Variants in ACTG2 observed in about 807,000 individuals in gnomAD.
ACTG2 encodes actin gamma 2, smooth muscle.
In ACTG2, 16 loss-of-function variants were observed where a neutral mutation model predicts 37.6. The ratio of observed to expected loss-of-function variants is 0.43; its 90% CI spans 0.29 to 0.65. The LOEUF (loss-of-function observed/expected upper bound fraction) is 0.65. Among genes scored for constraint, ACTG2 ranks in the 30% least tolerant of loss-of-function variants. ACTG2 has a pLI of 0.18. For synonymous variants in ACTG2, 181 were observed against 179.9 expected (o/e 1.01, Z -0.05); for missense variants, 238 against 490.9 (o/e 0.48, Z 4.87).
intron 3 of ACTG2, among the ~76,000 whole-genome samples, chr2:73,903,509 G>A (rs1679935257): frequency 6.6e-6 from 1 of 152,162 alleles, no homozygotes; most frequent in African/African-American, 2.4e-5. Context: ...GTAAAGTGAA[G>A]ATAAAAAACA....
At chr2:73,914,977 C>A in intron 7 of ACTG2, 106 bp downstream of exon 7, 3 of 957,872 alleles carry the variant, frequency 3.1e-6, no homozygotes, top group Non-Finnish European at 4.2e-6. Flanking sequence ...TTGTTAATTA[C>A]ATACACGTAC....
At chr2:73,908,420 G>A (rs887689395) in intron 3 of ACTG2, 1 of 575,240 alleles carries the variant, frequency 1.7e-6, no homozygotes, top group Non-Finnish European at 3.3e-6. Flanking sequence ...GAGTGAAGAG[G>A]AGGGAAGGTC....
intron 1 of ACTG2, chr2:73,897,005 C>T (rs1420420307): frequency 6.6e-6 from 1 of 152,234 alleles, no homozygotes; most frequent in Admixed American, 6.5e-5. Context: ...CAGGGTGAAC[C>T]CCTTCTTCCC....
intron 2 of ACTG2, among the ~76,000 whole-genome samples, chr2:73,901,963 C>A (rs939036242): frequency 6.6e-6 from 1 of 150,662 alleles, no homozygotes; most frequent in African/African-American, 2.4e-5. Flanking sequence ...GAGAGAATAG[C>A]AAAGATTTGG....
At chr2:73,904,111 T>G (rs1679953148) in intron 3 of ACTG2, among the ~76,000 whole-genome samples, 1 of 151,056 alleles carries the variant, frequency 6.6e-6, no homozygotes, top group Non-Finnish European at 1.5e-5. Context: ...TCACTGGGCA[T>G]GGTAACACAT....
chr2:73,919,650 C>T lies in ACTG2; in HGVS notation c.*75C>T. Reference sequence around the variant, plus strand: ...TCATGAAACATTAAAACCTACAAGCCTTACTTCTCTGTGTGGGGCTCTTTT... The same window carrying T: ...TCATGAAACATTAAAACCTACAAGCTTTACTTCTCTGTGTGGGGCTCTTTT... On this transcript the variant is annotated 3_prime_UTR_variant, in exon 9 of 9. Transcript: ENST00000345517. 1.3e-6 allele frequency: 2 copies of T among 1,523,522 alleles called. No homozygotes were observed. The highest frequency in any genetic ancestry group is 1.8e-6 in the Non-Finnish European group (2 of 1,124,296). 94.4% of individuals were successfully genotyped at this position (1,523,522 alleles called of 1,614,324 possible).
At chr2:73,910,294 A>G (rs1294400043) in intron 5 of ACTG2, among the ~76,000 whole-genome samples, 2 of 151,546 alleles carry the variant, frequency 1.3e-5, no homozygotes, top group African/African-American at 4.8e-5. Flanking sequence ...TTTACCTTAT[A>G]AACTTTTTAA....
intron 1 of ACTG2, among the ~76,000 whole-genome samples, chr2:73,894,935 G>A (rs1679710072): frequency 6.6e-6 from 1 of 152,194 alleles, no homozygotes; most frequent in African/African-American, 2.4e-5. Context: ...CTGTTGAAGG[G>A]GCTGCTTTGG....
At chr2:73,906,815 C>A (rs2104813127) in intron 3 of ACTG2, among the ~76,000 whole-genome samples, 1 of 152,312 alleles carries the variant, frequency 6.6e-6, no homozygotes, top group African/African-American at 2.4e-5. Flanking sequence ...TTATCAACAT[C>A]TTTAACTTTT....
chr2:73,898,802 C>CTTTTTTTTTT (rs1165118275), intron 1 of ACTG2, among the ~76,000 whole-genome samples: 14 of 93,014 alleles, frequency 1.5e-4, no homozygotes, highest in Non-Finnish European at 2.7e-4. Context: ...TTTTTTTTTT[C>CTTTTTTTTTT]TTTTTTTTTT....
At chr2:73,893,921 G>T (rs1182329075) in intron 1 of ACTG2, among the ~76,000 whole-genome samples, 1 of 152,222 alleles carries the variant, frequency 6.6e-6, no homozygotes, top group Non-Finnish European at 1.5e-5. Flanking sequence ...GAGGCAGGCT[G>T]GGTGTGGCAG....
At chr2:73,911,365 C>T (rs1166915205) in intron 5 of ACTG2, among the ~76,000 whole-genome samples, 9 of 151,964 alleles carry the variant, frequency 5.9e-5, no homozygotes, top group Non-Finnish European at 1.2e-4. Context: ...GCATTGGTAG[C>T]TCACGCCTGT....
At chr2:73,904,777 GTATA>G (rs199782884) in intron 3 of ACTG2, among the ~76,000 whole-genome samples, 1,163 of 41,966 alleles carry the variant, frequency 0.028, 20 homozygotes, top group African/African-American at 0.086. Context: ...GTGTGTGTGT[GTATA>G]TATATATATA....
chr2:73,919,224 C>T (rs577591832), intron 8 of ACTG2, among the ~76,000 whole-genome samples: 34 of 152,308 alleles, frequency 2.2e-4, no homozygotes, highest in African/African-American at 8.2e-4. Flanking sequence ...AATGCCCAGC[C>T]TTACAGGGAG....
At position 73,916,236 on chromosome 2, in the gene ACTG2, C is replaced by T. The variant is rs571731173; in HGVS notation, c.806-348C>T. 3.9e-4 allele frequency among the ~76,000 whole-genome samples: 59 copies of T among 152,030 alleles called. No individual in the cohort carries two copies. The South Asian group carries it at 6.9e-3, about 18-fold the overall frequency. On this transcript the variant is annotated intron_variant, in intron 7 of 8. Transcript: ENST00000345517. The stretch of plus-strand genomic sequence containing the variant: ...ACTAAAAATACAAAATTTAGCTGGG[C>T]GTGGTGGCATGTGCTTGTAATCCCA...
chr2:73,897,684 G>A (rs1045053578), intron 1 of ACTG2, among the ~76,000 whole-genome samples: 1 of 152,112 alleles, frequency 6.6e-6, no homozygotes, highest in Non-Finnish European at 1.5e-5. Flanking sequence ...TGTGAGACTG[G>A]GTTATTTATA....
intron 5 of ACTG2, among the ~76,000 whole-genome samples, chr2:73,910,943 C>G (rs1008916356): frequency 7.9e-6 from 1 of 126,898 alleles, no homozygotes; most frequent in African/African-American, 2.7e-5. Context: ...ACTTTTAGAG[C>G]TTTTTTGATA....
intron 8 of ACTG2, among the ~76,000 whole-genome samples, chr2:73,917,900 T>C (rs1203358855): frequency 6.6e-6 from 1 of 152,180 alleles, no homozygotes; most frequent in Non-Finnish European, 1.5e-5. Flanking sequence ...TGTGTCAGTA[T>C]ACCACGCCTA....
At chr2:73,903,813 G>A (rs1679942791) in intron 3 of ACTG2, among the ~76,000 whole-genome samples, 1 of 151,908 alleles carries the variant, frequency 6.6e-6, no homozygotes, top group Non-Finnish European at 1.5e-5. Flanking sequence ...GGTGGCGGGT[G>A]CCTGTAATCC....
Sources: gnomAD v4.1 joint callset for allele counts (sites outside exome capture counted in the v4.1 genomes callset) on GRCh38, gnomAD v4.1.1 for gene constraint, MANE v1.5 for transcripts, NCBI Gene and HGNC (gene_info 2026-07-23, HGNC 2026-07-21) for gene names.